Variants in SRPK2 observed in about 807,000 individuals in gnomAD.
SRPK2 encodes SRSF protein kinase 2.
A neutral mutation model predicts 90.8 loss-of-function variants in SRPK2; 21 were observed. The observed-to-expected ratio is 0.23, with a 90% CI of 0.16 to 0.33. The LOEUF is 0.33. Among genes scored for constraint, SRPK2 ranks in the 10% least tolerant of loss-of-function variants. The probability of loss-of-function intolerance (pLI) is 1.00; values close to 1 mark genes in which losing one functional copy is unlikely to be tolerated. For missense variants in SRPK2, 620 were observed against 869.0 expected (o/e 0.71, Z 3.60); for synonymous variants, 288 against 311.1 (o/e 0.93, Z 0.78).
rs567665381 is a variant in SRPK2, at chr7:105,325,252, T to G, written c.71+63396A>C. Among the ~76,000 whole-genome samples the G allele has an allele frequency of 2.7e-3, 411 of 152,322 alleles. 19 individuals are homozygous for G. The South Asian group carries it at 0.082, about 31-fold the overall frequency. On this transcript the variant is annotated intron_variant, in intron 2 of 15. Coordinates refer to ENST00000393651, the MANE Select transcript of SRPK2 (RefSeq NM_182692.3). ...GGCTATGCTTTCAGAGAAGGGCTGT[T>G]AAAATAGCTAGGCTTACAATTATAT...
chr7:105,238,936 G>A (rs1326310031), intron 2 of SRPK2, among the ~76,000 whole-genome samples: 1 of 152,080 alleles, frequency 6.6e-6, no homozygotes, highest in Non-Finnish European at 1.5e-5. Context: ...AAGCACGAAG[G>A]CAGTAAGCAA....
chr7:105,164,476 G>A (rs756446351), intron 6 of SRPK2, among the ~76,000 whole-genome samples: 3 of 152,080 alleles, frequency 2.0e-5, no homozygotes, highest in African/African-American at 7.2e-5. Flanking sequence ...CTTAAAAAGG[G>A]CACCCATTTT....
chr7:105,233,134 AGGAAGGAAGGAAGGAAGGGGAAAG>A (rs1326113535), intron 2 of SRPK2, among the ~76,000 whole-genome samples: 2 of 147,994 alleles, frequency 1.4e-5, no homozygotes, highest in Non-Finnish European at 3.0e-5. Context: ...GAAGGAAGGA[AGGAAGGAAGGAAGGAAGGGGAAAG>A]GGAAGGAAGG....
intron 3 of SRPK2, among the ~76,000 whole-genome samples, chr7:105,177,888 G>T (rs187529185): frequency 3.2e-4 from 48 of 152,196 alleles, no homozygotes; most frequent in African/African-American, 1.1e-3. Context: ...AGCCAGGTGG[G>T]CATAGTGGCG....
At chr7:105,282,005 A>G (rs1031388796) in intron 2 of SRPK2, among the ~76,000 whole-genome samples, 29 of 152,178 alleles carry the variant, frequency 1.9e-4, no homozygotes, top group African/African-American at 6.3e-4. Context: ...AATAGCCAAA[A>G]CAATCTTGAA....
intron 2 of SRPK2, among the ~76,000 whole-genome samples, chr7:105,368,939 C>G (rs1295309569): frequency 6.7e-6 from 1 of 148,388 alleles, no homozygotes; most frequent in Admixed American, 6.7e-5. Context: ...ATTTTTCCCT[C>G]AGTGAAAACA....
Position 105,236,091 on chromosome 7 carries a change from C to T in SRPK2, c.72-32306G>A, listed in dbSNP as rs144359064. Among the ~76,000 whole-genome samples the T allele has an allele frequency of 3.9e-5, 6 of 152,292 alleles. No homozygotes were observed. In the East Asian group the frequency reaches 1.2e-3, roughly 29 times the overall value. On this transcript the variant is annotated intron_variant, in intron 2 of 15. Coordinates refer to ENST00000393651, the MANE Select transcript of SRPK2 (RefSeq NM_182692.3). The stretch of plus-strand genomic sequence containing the variant: ...TACAGTACAGTTGCTGGGTTCCATC[C>T]CTGTGTTTCTGATTCCATAGGAATG...
intron 2 of SRPK2, among the ~76,000 whole-genome samples, chr7:105,326,689 G>A (rs911678310): frequency 3.3e-5 from 5 of 152,118 alleles, no homozygotes; most frequent in Non-Finnish European, 5.9e-5. Context: ...TTTTCAACCC[G>A]GCCTACAAAT....
In SRPK2 at chr7:105,212,577, A is replaced by T. The variant is rs574143461; in HGVS notation, c.72-8792T>A. ...AATAATCCACAATTCAAAAGAATAA[A>T]CCACAATGCTAAGAAGCTTGGGCTC... On this transcript the variant is annotated intron_variant, in intron 2 of 15. Coordinates refer to ENST00000393651, the MANE Select transcript of SRPK2 (RefSeq NM_182692.3). 1.1e-3 allele frequency among the ~76,000 whole-genome samples: 161 copies of T among 152,350 alleles called. 1 individual carries two copies. Among genetic ancestry groups the T allele is most frequent in the African/African-American group, 3.7e-3 (154 of 41,580 alleles).
At chr7:105,205,371 C>A (rs774966604) in intron 2 of SRPK2, among the ~76,000 whole-genome samples, 19 of 152,210 alleles carry the variant, frequency 1.2e-4, no homozygotes, top group Non-Finnish European at 2.8e-4. Flanking sequence ...CTGATTGCTG[C>A]TTTCTGGAAT....
At chr7:105,149,135 T>C (rs1805133931) in intron 7 of SRPK2, among the ~76,000 whole-genome samples, 2 of 152,100 alleles carry the variant, frequency 1.3e-5, no homozygotes, top group Non-Finnish European at 2.9e-5. Flanking sequence ...CCTCTTGCAG[T>C]TGAGATAGAG....
intron 2 of SRPK2, among the ~76,000 whole-genome samples, chr7:105,300,426 G>A (rs1466746863): frequency 1.3e-5 from 2 of 151,990 alleles, no homozygotes; most frequent in African/African-American, 4.8e-5. Context: ...TTTCTGCCAC[G>A]ACTTATGGAA....
intron 2 of SRPK2, among the ~76,000 whole-genome samples, chr7:105,376,057 G>C (rs549229386): frequency 7.6e-6 from 1 of 131,134 alleles, no homozygotes; most frequent in Non-Finnish European, 1.5e-5. Flanking sequence ...GCAGTGTCGT[G>C]ATCTCAGCTC....
chr7:105,245,098 C>A (rs114284900), intron 2 of SRPK2: 1 of 613,008 alleles, frequency 1.6e-6, no homozygotes, highest in Non-Finnish European at 2.9e-6. Flanking sequence ...TATTTCCTAA[C>A]CAAGTGGGAA....
rs75804708 is a variant in SRPK2 at position 105,246,175 on chromosome 7, T to C, written c.72-42390A>G. ...TGCCTTCTACTTTCTTTCAAAGATA[T>C]TTATGATGTTCATTTAAACACAGAC... On this transcript the variant is annotated intron_variant, in intron 2 of 15. Transcript: ENST00000393651. 2.8e-3 allele frequency among the ~76,000 whole-genome samples: 429 copies of C among 152,346 alleles called. 11 individuals carry two copies. In the East Asian group the frequency reaches 0.055, roughly 20 times the overall value.
intron 2 of SRPK2, among the ~76,000 whole-genome samples, chr7:105,361,493 C>G (rs1039750931): frequency 2.0e-5 from 3 of 152,190 alleles, no homozygotes; most frequent in Non-Finnish European, 4.4e-5. Context: ...TCATACGGAA[C>G]CAAAAAAGAG....
At chr7:105,228,040 A>G (rs1319331774) in intron 2 of SRPK2, among the ~76,000 whole-genome samples, 2 of 152,198 alleles carry the variant, frequency 1.3e-5, no homozygotes, top group East Asian at 3.8e-4. Flanking sequence ...GAAAACCAAT[A>G]TCCTAATTTC....
chr7:105,288,535 A>G (rs779325270), intron 2 of SRPK2, among the ~76,000 whole-genome samples: 14 of 152,164 alleles, frequency 9.2e-5, no homozygotes, highest in Non-Finnish European at 1.5e-4. Flanking sequence ...CGGAGGTTGC[A>G]GTGAGCCAAG....
At position 105,210,903 on chromosome 7, in the gene SRPK2, A is replaced by G. The variant is rs112376492; in HGVS notation, c.72-7118T>C. Among the ~76,000 whole-genome samples the G allele has an allele frequency of 2.9e-3, 447 of 152,318 alleles. 2 individuals carry two copies. The highest frequency in any genetic ancestry group is 0.01 in the African/African-American group (430 of 41,576). ...CTAGGAGTGACGGTGCTCCCTGCCAACAGCTAGAAGAATAGTAAGATAACA... is the reference window on the plus strand; with the variant it reads ...CTAGGAGTGACGGTGCTCCCTGCCAGCAGCTAGAAGAATAGTAAGATAACA... On this transcript the variant is annotated intron_variant, in intron 2 of 15. Coordinates refer to ENST00000393651, the MANE Select transcript of SRPK2 (RefSeq NM_182692.3).
Sources: gnomAD v4.1 joint callset for allele counts (sites outside exome capture counted in the v4.1 genomes callset) on GRCh38, gnomAD v4.1.1 for gene constraint, MANE v1.5 for transcripts, NCBI Gene and HGNC (gene_info 2026-07-23, HGNC 2026-07-21) for gene names.